The following GDAP1L1 variants were observed in gnomAD, a reference collection of about 807,000 sequenced individuals.
The protein encoded by GDAP1L1 is ganglioside induced differentiation associated protein 1 like 1, also known as ganglioside-induced differentiation-associated protein 1-like 1.
A neutral mutation model predicts 37.1 loss-of-function variants in GDAP1L1; 21 were observed. That is an observed-to-expected ratio of 0.57 (90% CI 0.40 to 0.81). The LOEUF (loss-of-function observed/expected upper bound fraction) is 0.81, where lower values mean the gene tolerates loss of function less well. Ranked by LOEUF, GDAP1L1 falls within the 40% of genes least tolerant of loss-of-function variation. The pLI is 0.00. For missense variants in GDAP1L1, 362 were observed against 491.6 expected, an observed-to-expected ratio of 0.74 and a Z score of 2.49; for synonymous variants, 193 against 209.1, an observed-to-expected ratio of 0.92 and a Z score of 0.67.
In GDAP1L1 at chr20:44,247,383, A is replaced by T; in HGVS notation, c.49A>T (p.Ile17Phe). The T allele has an allele frequency of 6.2e-7, 1 of 1,613,214 alleles. No individual in the cohort carries two copies. The highest frequency in any genetic ancestry group is 1.1e-5 in the South Asian group (1 of 91,060). The change falls in exon 1 of 6, where the codon ATC (isoleucine) becomes TTC (phenylalanine). Residue 17 changes from isoleucine (I) to phenylalanine (F), a missense_variant. This residue lies in a region of GDAP1L1 where 277 missense variants were observed against 337.1 expected (regional missense o/e 0.82). Coordinates refer to ENST00000342560, the MANE Select transcript of GDAP1L1 (RefSeq NM_024034.6). ...LTPTNCSWWP[I>F]SALESDAAKP... ...CCCCACCAACTGCAGCTGGTGGCCC[A>T]TCTCCGCGCTGGAGAGCGATGCGGC...
At position 44,280,798 on chromosome 20, in the gene GDAP1L1, C is replaced by T. The variant is rs1395913860; in HGVS notation, c.*1498C>T. The T allele has an allele frequency of 6.6e-6, 1 of 152,188 alleles. No individual in the cohort carries two copies. The highest frequency in any genetic ancestry group is 1.5e-5 in the Non-Finnish European group (1 of 68,044). The allele number at this position is 152,188 out of a possible 1,614,324, so 9.4% of individuals were successfully genotyped here. A position where few individuals can be genotyped will look rare whatever the true frequency, so the allele number is the denominator to read the frequency against. On this transcript the variant is annotated 3_prime_UTR_variant, in exon 6 of 6. Coordinates refer to ENST00000342560, the MANE Select transcript of GDAP1L1 (RefSeq NM_024034.6). ...ATAAAATAAACCTATATATGGACCT[C>T]AGGGGGCACCCAGGGCACATGCCCC... is the stretch of plus-strand genomic sequence containing the variant.
Position 44,247,493 on chromosome 20 carries a change from C to A in GDAP1L1, c.159C>A (p.Thr53=). Residue 53 remains threonine, a synonymous_variant, in exon 1 of 6, where the codon ACC becomes ACA. Coordinates refer to ENST00000342560, the MANE Select transcript of GDAP1L1 (RefSeq NM_024034.6). The part of the protein sequence containing the change: ...PRESLVLYHW[T]QSFSSQKVRL... ...AGAGCCTGGTTCTGTACCACTGGAC[C>A]CAGTCCTTCAGCTCGCAGAAGGTAG... 6.4e-7 allele frequency: 1 copy of A among 1,551,496 alleles called. No individual in the cohort carries two copies. Among genetic ancestry groups the A allele is most frequent in the East Asian group, 2.4e-5 (1 of 41,040 alleles).
At chr20:44,265,016 A>G in intron 5 of GDAP1L1, 1 of 985,284 alleles carries the variant, frequency 1.0e-6, no homozygotes, top group Non-Finnish European at 1.2e-6. Flanking sequence ...CAAGCACAAG[A>G]CCTTATGTCC....
intron 5 of GDAP1L1, chr20:44,265,474 C>T: frequency 1.0e-6 from 1 of 985,346 alleles, no homozygotes; most frequent in Non-Finnish European, 1.2e-6. Context: ...ACATGCATGG[C>T]TATGTGTATG....
chr20:44,257,631 T>C (rs1568649503), intron 2 of GDAP1L1, among the ~76,000 whole-genome samples: 1 of 151,692 alleles, frequency 6.6e-6, no homozygotes, highest in Non-Finnish European at 1.5e-5. Flanking sequence ...AGTGGGGCTA[T>C]AGCCCTTTCC....
intron 1 of GDAP1L1, among the ~76,000 whole-genome samples, chr20:44,248,720 C>A (rs1360371747): frequency 1.3e-5 from 2 of 152,190 alleles, no homozygotes; most frequent in Non-Finnish European, 2.9e-5. Flanking sequence ...GGTTAAAACC[C>A]AGACTGCTGG....
chr20:44,247,191 C>A (rs1330806225), upstream of GDAP1L1: 1 of 826,962 alleles, frequency 1.2e-6, no homozygotes, highest in Admixed American at 2.5e-5. Context: ...CGCCCCCTCC[C>A]CCAACTGCCC....
rs2062624928 is a variant in GDAP1L1 at position 44,279,982 on chromosome 20, CTG to C, written c.*683_*684del. ...TTGGGTTTGGCCTTAGTAGAAATCT[CTG>C]AAGGCAGCAGCCATCATCCTCTTCC... On this transcript the variant is annotated 3_prime_UTR_variant, in exon 6 of 6. Coordinates refer to ENST00000342560, the MANE Select transcript of GDAP1L1 (RefSeq NM_024034.6). 2.9e-6 allele frequency: 1 copy of C among 347,722 alleles called. No homozygotes were observed. Among genetic ancestry groups the C allele is most frequent in the African/African-American group, 2.1e-5 (1 of 46,608 alleles). The allele number at this position is 347,722 out of a possible 1,614,324, so 21.5% of individuals were successfully genotyped here. A position where few individuals can be genotyped will look rare whatever the true frequency, so the allele number is the denominator to read the frequency against.
At chr20:44,269,978 G>A (rs1426651148) in intron 5 of GDAP1L1, among the ~76,000 whole-genome samples, 2 of 152,122 alleles carry the variant, frequency 1.3e-5, no homozygotes, top group Admixed American at 6.5e-5. Flanking sequence ...ATTCCAGACT[G>A]ACTCTCAAAG....
chr20:44,278,961 G>C lies in GDAP1L1; in HGVS notation c.765G>C (p.Gln255His). ...CTCCTCTTTCTTCCACTCTAGGGCA[G>C]AAATGCGAGCTGTGGCTCTGTGGCT... ...LEKRKLENEGQKCELWLCGCA... is the reference protein window; with the variant it reads ...LEKRKLENEGHKCELWLCGCA... The change falls in exon 6 of 6, where the codon CAG becomes CAC. Residue 255 changes from glutamine (Q) to histidine (H), a missense_variant. By Grantham distance (24) the Gln-to-His change is conservative. Around this residue, in one of 2 missense-constraint regions of GDAP1L1, gnomAD observed 85 missense variants for 154.4 expected, o/e 0.55. Transcript: ENST00000342560. 6.2e-7 allele frequency: 1 copy of C among 1,610,314 alleles called. No homozygotes were observed. The highest frequency in any genetic ancestry group is 8.5e-7 in the Non-Finnish European group (1 of 1,177,130).
At position 44,264,566 on chromosome 20, in the gene GDAP1L1, G is replaced by A; in HGVS notation, c.760+7G>A. 1.2e-6 allele frequency: 2 copies of A among 1,609,866 alleles called. No individual in the cohort carries two copies. Among genetic ancestry groups the A allele is most frequent in the Non-Finnish European group, 8.5e-7 (1 of 1,177,650 alleles). On this transcript the variant is annotated splice_region_variant and intron_variant, in intron 5 of 5. Coordinates refer to ENST00000342560, the MANE Select transcript of GDAP1L1 (RefSeq NM_024034.6). ...AGGAAGCTGGAGAACGAGGGTGGGT[G>A]CCAGCCCTGGGGGAGGTGGGGGCTG...
At chr20:44,272,767 T>A (rs903847135) in intron 5 of GDAP1L1, among the ~76,000 whole-genome samples, 36 of 152,184 alleles carry the variant, frequency 2.4e-4, no homozygotes, top group Admixed American at 1.8e-3. Flanking sequence ...AACATAGGCA[T>A]GAACATAATA....
At chr20:44,273,878 A>G (rs1476302417) in intron 5 of GDAP1L1, among the ~76,000 whole-genome samples, 1 of 152,128 alleles carries the variant, frequency 6.6e-6, no homozygotes, top group Admixed American at 6.5e-5. Context: ...GCAATATATC[A>G]CTGAGAAAAT....
At position 44,279,703 on chromosome 20, in the gene GDAP1L1, C is replaced by T. The variant is rs1196661545; in HGVS notation, c.*403C>T. On this transcript the variant is annotated 3_prime_UTR_variant, in exon 6 of 6. Coordinates refer to ENST00000342560, the MANE Select transcript of GDAP1L1 (RefSeq NM_024034.6). ...TCAGAGGGCCTGACCCCTCACCTCC[C>T]CTTCCCTCTTGCCCAGGGAACTCTT... The T allele has an allele frequency of 2.1e-6, 1 of 475,294 alleles. No homozygotes were observed. The highest frequency in any genetic ancestry group is 6.9e-5 in the East Asian group (1 of 14,594). The allele number at this position is 475,294 out of a possible 1,614,324, so 29.4% of individuals were successfully genotyped here.
At chr20:44,264,749 G>T in intron 5 of GDAP1L1, 190 bp downstream of exon 5, 2 of 1,284,736 alleles carry the variant, frequency 1.6e-6, no homozygotes, top group East Asian at 3.4e-5. Flanking sequence ...ATGTGGTCAG[G>T]TTCTCCCCTC....
chr20:44,257,394 A>G, intron 2 of GDAP1L1, 49 bp downstream of exon 2: 1 of 1,548,520 alleles, frequency 6.5e-7, no homozygotes, highest in Non-Finnish European at 8.8e-7. Context: ...ACAGATCCTC[A>G]GGGGTCCCCA....
chr20:44,250,741 T>C (rs1001937823), intron 1 of GDAP1L1, among the ~76,000 whole-genome samples: 1 of 152,176 alleles, frequency 6.6e-6, no homozygotes, highest in Non-Finnish European at 1.5e-5. Context: ...AGGCTCTAAA[T>C]GCCTAAGGTC....
Position 44,264,576 on chromosome 20 carries a change from G to A in GDAP1L1, c.760+17G>A. ...AGAACGAGGGTGGGTGCCAGCCCTG[G>A]GGGAGGTGGGGGCTGCAGCCCACCC... On this transcript the variant is annotated intron_variant, in intron 5 of 5. Transcript: ENST00000342560. 1 of 1,607,988 alleles carries A rather than the reference G, an allele frequency of 6.2e-7. No homozygotes were observed.
intron 5 of GDAP1L1, among the ~76,000 whole-genome samples, chr20:44,272,361 G>A (rs2062527029): frequency 6.6e-6 from 1 of 152,156 alleles, no homozygotes; most frequent in Admixed American, 6.5e-5. Context: ...GCTATCTTCT[G>A]AACGAACCAT....
Sources: allele counts gnomAD v4.1 joint callset (sites outside exome capture counted in the v4.1 genomes callset), GRCh38; gene constraint gnomAD v4.1.1; regional missense constraint gnomAD v4.1.1; transcripts MANE v1.5; gene names NCBI Gene and HGNC (gene_info 2026-07-23, HGNC 2026-07-21).